PTPRT: variants seen among roughly 807,000 people sequenced by gnomAD.
PTPRT encodes the protein receptor-type tyrosine-protein phosphatase T.
PTPRT carries 56 observed loss-of-function variants against 176.8 expected under a neutral mutation model. That is an observed-to-expected ratio of 0.32 (90% confidence interval 0.26 to 0.40). The LOEUF (loss-of-function observed/expected upper bound fraction) is 0.40, where lower values mean the gene tolerates loss of function less well. Ranked by LOEUF, PTPRT falls within the 10% of genes least tolerant of loss-of-function variation. PTPRT has a pLI of 1.00. For missense variants in PTPRT, 1,540 were observed against 1,908.2 expected (o/e 0.81, Z 3.60); for synonymous variants, 783 against 739.0 (o/e 1.06, Z -0.96).
chr20:42,797,157 G>A (rs6130220), intron 2 of PTPRT, among the ~76,000 whole-genome samples: 17,925 of 152,104 alleles, frequency 0.12, 1,372 homozygotes, highest in East Asian at 0.35. Context: ...CTGCTGCCCC[G>A]TCTCCACCTC....
intron 2 of PTPRT, among the ~76,000 whole-genome samples, chr20:42,806,299 C>T (rs539880569): frequency 5.1e-4 from 77 of 152,068 alleles, no homozygotes; most frequent in South Asian, 1.0e-3. Context: ...TCCTGGCCAA[C>T]GTGGTGAAAC....
At chr20:42,472,216 GAATAGATTC>G in intron 8 of PTPRT, 41 bp downstream of exon 8, 1 of 1,575,356 alleles carries the variant, frequency 6.3e-7, no homozygotes, top group Non-Finnish European at 8.6e-7. Context: ...ATGGCCCTGT[GAATAGATTC>G]AATATCCCCA....
intron 8 of PTPRT, among the ~76,000 whole-genome samples, chr20:42,462,072 G>C (rs904958026): frequency 3.9e-5 from 6 of 152,038 alleles, no homozygotes; most frequent in Admixed American, 3.3e-4. Flanking sequence ...AAAAGCAAAT[G>C]GTTCATCCAT....
At chr20:42,272,721 GCACACACA>G (rs58728446) in intron 13 of PTPRT, among the ~76,000 whole-genome samples, 1 of 149,206 alleles carries the variant, frequency 6.7e-6, no homozygotes, top group African/African-American at 2.5e-5. Context: ...ACACGTGCGC[GCACACACA>G]CACACACACA....
intron 1 of PTPRT, among the ~76,000 whole-genome samples, chr20:43,059,901 C>T (rs1158279214): frequency 6.6e-6 from 1 of 152,010 alleles, no homozygotes; most frequent in Admixed American, 6.5e-5. Flanking sequence ...ACTGCTTGAA[C>T]CCAGGAGGGG....
chr20:42,540,539 C>G (rs533188333), intron 7 of PTPRT, among the ~76,000 whole-genome samples: 45 of 152,200 alleles, frequency 3.0e-4, no homozygotes, highest in African/African-American at 1.1e-3. Context: ...AACACCAGCA[C>G]AGAGCAAGCC....
At chr20:42,191,094 T>C (rs978878843) in intron 16 of PTPRT, among the ~76,000 whole-genome samples, 15 of 151,702 alleles carry the variant, frequency 9.9e-5, no homozygotes, top group African/African-American at 3.4e-4. Flanking sequence ...ACTAGGATCA[T>C]AAATATTAAC....
intron 2 of PTPRT, among the ~76,000 whole-genome samples, chr20:42,814,602 C>T (rs2077751691): frequency 6.6e-6 from 1 of 152,190 alleles, no homozygotes; most frequent in African/African-American, 2.4e-5. Flanking sequence ...TCCTAGGAAT[C>T]ACGTAGCACA....
At chr20:42,775,717 T>C (rs2077125671) in intron 4 of PTPRT, among the ~76,000 whole-genome samples, 1 of 152,198 alleles carries the variant, frequency 6.6e-6, no homozygotes, top group South Asian at 2.1e-4. Flanking sequence ...CAATTGAAGA[T>C]ACAATTGCAA....
intron 15 of PTPRT, among the ~76,000 whole-genome samples, chr20:42,228,415 G>A (rs1043209837): frequency 1.3e-5 from 2 of 152,196 alleles, no homozygotes; most frequent in African/African-American, 2.4e-5. Flanking sequence ...TAAAGCATCC[G>A]TTCAGTTGCA....
chr20:42,373,894 C>T (rs1008311933), intron 9 of PTPRT, among the ~76,000 whole-genome samples: 1 of 152,162 alleles, frequency 6.6e-6, no homozygotes, highest in Non-Finnish European at 1.5e-5. Context: ...GTCAAAGATG[C>T]CAATGAAGCA....
At chr20:42,484,296 C>G (rs1228368056) in intron 7 of PTPRT, among the ~76,000 whole-genome samples, 1 of 152,110 alleles carries the variant, frequency 6.6e-6, no homozygotes, top group Non-Finnish European at 1.5e-5. Flanking sequence ...TATTTGCGTC[C>G]TAACAAATAA....
At chr20:42,172,684 T>C (rs191035377) in intron 16 of PTPRT, among the ~76,000 whole-genome samples, 6 of 152,364 alleles carry the variant, frequency 3.9e-5, no homozygotes, top group Admixed American at 2.0e-4. Context: ...GACATATATG[T>C]TACTGATCTT....
At chr20:42,709,114 G>A (rs1048693284) in intron 6 of PTPRT, among the ~76,000 whole-genome samples, 8 of 152,334 alleles carry the variant, frequency 5.3e-5, no homozygotes, top group African/African-American at 1.7e-4. Context: ...TAAAATGTGA[G>A]TACAAAGGAC....
chr20:42,689,440 A>C (rs943796498), intron 6 of PTPRT, among the ~76,000 whole-genome samples: 1 of 152,142 alleles, frequency 6.6e-6, no homozygotes, highest in African/African-American at 2.4e-5. Context: ...CTCCACGGAT[A>C]AAACCTCGCA....
intron 6 of PTPRT, among the ~76,000 whole-genome samples, chr20:42,710,420 C>T (rs1312220887): frequency 6.6e-6 from 1 of 152,232 alleles, no homozygotes; most frequent in East Asian, 1.9e-4. Context: ...TATATCCTGG[C>T]TGCTCCAGCT....
At chr20:42,790,863 A>G (rs1261549100) in intron 3 of PTPRT, among the ~76,000 whole-genome samples, 11 of 152,210 alleles carry the variant, frequency 7.2e-5, no homozygotes. Flanking sequence ...CATCCATAAA[A>G]TAGGCTAGTA....
At chr20:42,276,901 G>T (rs1226378989) in intron 13 of PTPRT, among the ~76,000 whole-genome samples, 2 of 151,956 alleles carry the variant, frequency 1.3e-5, no homozygotes, top group East Asian at 3.9e-4. Context: ...TGTTAAATGA[G>T]AGCATCTCAC....
Position 42,896,929 on chromosome 20 carries a change from C to G in PTPRT, c.89-10997G>C, listed in dbSNP as rs554789743. 2.0e-5 allele frequency among the ~76,000 whole-genome samples: 3 copies of G among 152,222 alleles called. No homozygotes were observed. In the South Asian group the frequency reaches 6.2e-4, roughly 32 times the overall value. ...TGCCCCCGGAATGAATGTAAACCAG[C>G]CTTCCATAAATTGAATTCCTTTTCT... On this transcript the variant is annotated intron_variant, in intron 1 of 30. Coordinates refer to ENST00000373187, the MANE Select transcript of PTPRT (RefSeq NM_007050.6).
Sources: allele counts gnomAD v4.1 joint callset (sites outside exome capture counted in the v4.1 genomes callset), GRCh38; gene constraint gnomAD v4.1.1; transcripts MANE v1.5; gene names NCBI Gene and HGNC (gene_info 2026-07-23, HGNC 2026-07-21).